Variants in CDC14A observed in about 807,000 individuals in gnomAD.
CDC14A encodes the protein dual specificity protein phosphatase CDC14A.
CDC14A carries 53 observed loss-of-function variants against 74.4 expected under a neutral mutation model. That is an observed-to-expected ratio of 0.71 (90% confidence interval 0.57 to 0.89). CDC14A has a LOEUF of 0.89. CDC14A is among the 40% of genes least tolerant of loss of function. The pLI is 0.00. For missense variants in CDC14A, 646 were observed against 713.7 expected, an observed-to-expected ratio of 0.91 and a Z score of 1.08; for synonymous variants, 247 against 258.4, an observed-to-expected ratio of 0.96 and a Z score of 0.43.
intron 2 of CDC14A, among the ~76,000 whole-genome samples, chr1:100,364,508 G>T (rs1653297652): frequency 6.6e-6 from 1 of 152,088 alleles, no homozygotes; most frequent in South Asian, 2.1e-4. Flanking sequence ...GTTGCCCCCG[G>T]CCCTGTGATC....
chr1:100,498,769 C>G (rs1402392102), intron 14 of CDC14A, among the ~76,000 whole-genome samples, 160 bp from the exon 15 acceptor site: 1 of 152,168 alleles, frequency 6.6e-6, no homozygotes, highest in East Asian at 1.9e-4. Context: ...ATCATAACAC[C>G]AAGGGTGATG....
chr1:100,467,259 C>T lies in CDC14A; in HGVS notation c.839-697C>T, dbSNP rs557998548. Among the ~76,000 whole-genome samples, 59 of 152,166 alleles carry T rather than the reference C, an allele frequency of 3.9e-4. 1 individual carries two copies. The highest frequency in any genetic ancestry group is 1.3e-3 in the African/African-American group (55 of 41,492). ...TAGATTTGCTGAAATGCTGTGTGCTCCCAATTACTGGGAGATAAGAGAAGA... is the reference window on the plus strand; with the variant it reads ...TAGATTTGCTGAAATGCTGTGTGCTTCCAATTACTGGGAGATAAGAGAAGA... On this transcript the variant is annotated intron_variant, in intron 9 of 15. Coordinates refer to ENST00000336454, the MANE Select transcript of CDC14A (RefSeq NM_003672.4).
intron 2 of CDC14A, among the ~76,000 whole-genome samples, chr1:100,362,574 T>C (rs1360513584): frequency 6.6e-6 from 1 of 152,236 alleles, no homozygotes; most frequent in African/African-American, 2.4e-5. Flanking sequence ...TCCTATGTCT[T>C]GTCATTTTAA....
intron 11 of CDC14A, among the ~76,000 whole-genome samples, chr1:100,493,922 A>C (rs1231428851): frequency 1.3e-5 from 2 of 152,320 alleles, no homozygotes; most frequent in East Asian, 3.9e-4. Flanking sequence ...TCTAGTTTTA[A>C]ATAGGGGAGG....
intron 2 of CDC14A, among the ~76,000 whole-genome samples, chr1:100,376,875 A>G (rs144419185): frequency 1.3e-5 from 2 of 152,318 alleles, no homozygotes; most frequent in Non-Finnish European, 2.9e-5. Context: ...AAGTAAGATT[A>G]TGACTAAAAT....
chr1:100,513,285 T>C (rs983490738), intron 15 of CDC14A, among the ~76,000 whole-genome samples: 2 of 152,244 alleles, frequency 1.3e-5, no homozygotes, highest in Non-Finnish European at 2.9e-5. Context: ...TAAAATACCA[T>C]GTTGCCAAGC....
chr1:100,441,028 T>A (rs1664868011), intron 6 of CDC14A, among the ~76,000 whole-genome samples: 1 of 152,168 alleles, frequency 6.6e-6, no homozygotes, highest in South Asian at 2.1e-4. Context: ...TAACAGTTGA[T>A]TATAGCATTT....
At chr1:100,424,618 C>T (rs931155212) in intron 5 of CDC14A, among the ~76,000 whole-genome samples, 4 of 152,102 alleles carry the variant, frequency 2.6e-5, no homozygotes, top group Non-Finnish European at 5.9e-5. Context: ...CAGTAATCTA[C>T]ATCATTGATT....
intron 8 of CDC14A, among the ~76,000 whole-genome samples, chr1:100,459,126 C>CACACACACACACACACACACACAG (rs1279905046): frequency 2.2e-4 from 32 of 144,680 alleles, no homozygotes; most frequent in African/African-American, 8.3e-4. Flanking sequence ...CACACACACA[C>CACACACACACACACACACACACAG]AGAGAGAGAG....
chr1:100,437,097 G>A (rs898252009), intron 5 of CDC14A, among the ~76,000 whole-genome samples: 2 of 152,104 alleles, frequency 1.3e-5, no homozygotes, highest in African/African-American at 4.8e-5. Flanking sequence ...GAGGCTGGAG[G>A]ATCACTTGAG....
chr1:100,481,704 A>C (rs17122636), intron 10 of CDC14A, among the ~76,000 whole-genome samples: 8,244 of 152,234 alleles, frequency 0.054, 747 homozygotes, highest in African/African-American at 0.19. Flanking sequence ...TCAAACCAAG[A>C]CACATCTCTT....
At chr1:100,379,947 C>T (rs947362084) in intron 3 of CDC14A, among the ~76,000 whole-genome samples, 42 of 152,104 alleles carry the variant, frequency 2.8e-4, no homozygotes, top group African/African-American at 8.2e-4. Flanking sequence ...GGCACCGAGC[C>T]GTTCATGAGG....
chr1:100,498,842 C>T, intron 14 of CDC14A, 87 bp from the exon 15 acceptor site: 1 of 1,486,180 alleles, frequency 6.7e-7, no homozygotes, highest in Non-Finnish European at 9.0e-7. Context: ...CCCCTAATGT[C>T]ATGAGTATGT....
intron 7 of CDC14A, among the ~76,000 whole-genome samples, chr1:100,449,441 G>T (rs535070165): frequency 6.6e-6 from 1 of 152,274 alleles, no homozygotes; most frequent in African/African-American, 2.4e-5. Context: ...ACATGGGCTT[G>T]TCCTTCCTCT....
intron 11 of CDC14A, among the ~76,000 whole-genome samples, chr1:100,489,602 C>G (rs1670413352): frequency 6.8e-6 from 1 of 147,504 alleles, no homozygotes; most frequent in South Asian, 2.1e-4. Flanking sequence ...TTTAATTGTA[C>G]TTCTTTTGGT....
chr1:100,511,519 C>T (rs1170110529), intron 15 of CDC14A, among the ~76,000 whole-genome samples: 1 of 152,204 alleles, frequency 6.6e-6, no homozygotes, highest in Non-Finnish European at 1.5e-5. Flanking sequence ...ATTGGACCTA[C>T]ACTCCCAGCT....
At chr1:100,426,102 A>T (rs1662931139) in intron 5 of CDC14A, among the ~76,000 whole-genome samples, 1 of 152,198 alleles carries the variant, frequency 6.6e-6, no homozygotes, top group African/African-American at 2.4e-5. Flanking sequence ...TTATACTATT[A>T]TTACTGTTAG....
chr1:100,461,712 G>T (rs549475435), intron 8 of CDC14A, among the ~76,000 whole-genome samples: 1 of 152,144 alleles, frequency 6.6e-6, no homozygotes, highest in East Asian at 1.9e-4. Flanking sequence ...TGATGGTGGA[G>T]CCACTCAAAA....
At chr1:100,363,254 C>T (rs938525689) in intron 2 of CDC14A, 1 of 152,196 alleles carries the variant, frequency 6.6e-6, no homozygotes, top group Admixed American at 6.5e-5. Context: ...GCACAACTGC[C>T]GACATTCACC....
Sources: allele counts gnomAD v4.1 joint callset (sites outside exome capture counted in the v4.1 genomes callset), GRCh38; gene constraint gnomAD v4.1.1; transcripts MANE v1.5; gene names NCBI Gene and HGNC (gene_info 2026-07-23, HGNC 2026-07-21).